The following TTC34 variants were observed in gnomAD, a reference collection of about 807,000 sequenced individuals.
TTC34 encodes tetratricopeptide repeat protein 34.
TTC34 carries 44 observed loss-of-function variants against 40.7 expected under a neutral mutation model. The ratio of observed to expected loss-of-function variants is 1.08; its 90% CI spans 0.85 to 1.39. The LOEUF is 1.39. Ranked by LOEUF, TTC34 falls within the 40% of genes most tolerant of loss-of-function variation. The probability of loss-of-function intolerance (pLI) is 0.00; values close to 1 mark genes in which losing one functional copy is unlikely to be tolerated. For synonymous variants in TTC34, 422 were observed against 398.6 expected, an observed-to-expected ratio of 1.06 and a Z score of -0.70; for missense variants, 884 against 838.0, an observed-to-expected ratio of 1.05 and a Z score of -0.68.
intron 6 of TTC34, among the ~76,000 whole-genome samples, chr1:2,687,867 G>T (rs1426219831): frequency 6.7e-6 from 1 of 150,218 alleles, no homozygotes; most frequent in African/African-American, 2.5e-5. Context: ...GCATCTGACA[G>T]CCTGGAACAG....
At chr1:2,651,254 C>A (rs1016778087) in intron 6 of TTC34, among the ~76,000 whole-genome samples, 1 of 151,934 alleles carries the variant, frequency 6.6e-6, no homozygotes, top group Admixed American at 6.5e-5. Flanking sequence ...TGTGTGACAG[C>A]CTGAAACAGC....
In TTC34 at chr1:2,755,885, C is replaced by T. The variant is rs1472023933; in HGVS notation, c.2226+27724G>A. On this transcript the variant is annotated intron_variant, in intron 6 of 8. Transcript: ENST00000401095. The stretch of plus-strand genomic sequence containing the variant: ...ACACACTCACGCGAGCACCTGACAT[C>T]CTTGAGCAGCACCCACACCCCCAGG... 4.0e-4 allele frequency among the ~76,000 whole-genome samples: 32 copies of T among 79,294 alleles called. 12 individuals are homozygous for T. The East Asian group carries it at 0.013, about 32-fold the overall frequency. 52.0% of individuals were successfully genotyped at this position (79,294 alleles called of 152,430 possible).
At chr1:2,771,564 C>A (rs1359017674) in intron 6 of TTC34, among the ~76,000 whole-genome samples, 2 of 66,818 alleles carry the variant, frequency 3.0e-5, no homozygotes, top group Non-Finnish European at 5.2e-5. Context: ...GCACACACAA[C>A]CCCAGGCGAG....
chr1:2,783,803 T>G (rs892933934), intron 5 of TTC34, 28 bp from the exon 6 acceptor site: 6 of 1,456,462 alleles, frequency 4.1e-6, no homozygotes, highest in South Asian at 1.5e-5. Context: ...GGGGTCAGGA[T>G]GAGCCTATGC....
At chr1:2,685,842 C>T (rs1570812237) in intron 6 of TTC34, among the ~76,000 whole-genome samples, 1 of 150,416 alleles carries the variant, frequency 6.6e-6, no homozygotes, top group South Asian at 2.1e-4. Context: ...CCCCCATGCC[C>T]AGGTGAGCCT....
chr1:2,758,152 AT>A (rs1463211616), intron 6 of TTC34, among the ~76,000 whole-genome samples: 1 of 70,692 alleles, frequency 1.4e-5, no homozygotes, highest in Non-Finnish European at 2.6e-5. Context: ...CAGCACCCAC[AT>A]CCCCAGGTGA....
chr1:2,783,587 C>T (rs1643522576), intron 6 of TTC34, 22 bp downstream of exon 6: 1 of 1,367,716 alleles, frequency 7.3e-7, no homozygotes, highest in Non-Finnish European at 9.6e-7. Context: ...TGCCCAGGCC[C>T]AGGTCAGGAG....
At chr1:2,683,226 C>T (rs1570803608) in intron 6 of TTC34, among the ~76,000 whole-genome samples, 1 of 149,934 alleles carries the variant, frequency 6.7e-6, no homozygotes, top group African/African-American at 2.5e-5. Flanking sequence ...GGTCGGCACC[C>T]ACACCCCCAA....
intron 3 of TTC34, among the ~76,000 whole-genome samples, chr1:2,788,747 C>T (rs1643624144): frequency 6.6e-6 from 1 of 152,118 alleles, no homozygotes; most frequent in Admixed American, 6.5e-5. Context: ...TGCCTGTCTC[C>T]GTCTCATGGA....
At chr1:2,785,575 G>C (rs1643572292) in intron 5 of TTC34, among the ~76,000 whole-genome samples, 1 of 152,174 alleles carries the variant, frequency 6.6e-6, no homozygotes. Context: ...GCACCAGGCA[G>C]GGCACAGCTC....
Position 2,693,296 on chromosome 1 carries a change from G to C in TTC34, c.2227-47733C>G, listed in dbSNP as rs933100901. 9.9e-3 allele frequency among the ~76,000 whole-genome samples: 1,157 copies of C among 117,372 alleles called. 1 individual carries two copies. The highest frequency in any genetic ancestry group is 0.014 in the Non-Finnish European group (756 of 52,270). The allele number at this position is 117,372 out of a possible 152,430, so 77.0% of individuals were successfully genotyped here. On this transcript the variant is annotated intron_variant, in intron 6 of 8. Coordinates refer to ENST00000401095, the Ensembl canonical transcript of TTC34. ...GGTGAGCATCTGACAGACTGGAACT[G>C]CACCCCCATGCCCAGGTGAGCCTCT...
chr1:2,769,705 C>G (rs1420347607), intron 6 of TTC34, among the ~76,000 whole-genome samples: 1 of 148,068 alleles, frequency 6.8e-6, no homozygotes, highest in Admixed American at 6.6e-5. Context: ...TGGAGCAGCA[C>G]CCACACCCCC....
At chr1:2,695,433 CACCT>C (rs1640818191) in intron 6 of TTC34, among the ~76,000 whole-genome samples, 19 of 66,576 alleles carry the variant, frequency 2.9e-4, no homozygotes, top group Non-Finnish European at 4.5e-4. Flanking sequence ...ATGGCATCCT[CACCT>C]CCAGGTGAGC....
chr1:2,772,887 G>C (rs1642474250), intron 6 of TTC34, among the ~76,000 whole-genome samples: 1 of 85,412 alleles, frequency 1.2e-5, no homozygotes, highest in Non-Finnish European at 2.6e-5. Context: ...GCCTGGAGCA[G>C]AACCCCACAC....
chr1:2,687,918 C>G (rs550033006), intron 6 of TTC34, among the ~76,000 whole-genome samples: 54 of 148,096 alleles, frequency 3.6e-4, no homozygotes, highest in Non-Finnish European at 7.3e-4. Flanking sequence ...ACTGGAACAG[C>G]ACCCACACGC....
chr1:2,762,156 G>A (rs1641699102), intron 6 of TTC34, among the ~76,000 whole-genome samples: 1 of 57,152 alleles, frequency 1.7e-5, no homozygotes, highest in Non-Finnish European at 2.9e-5. Flanking sequence ...TGACAGCCTG[G>A]AGCAGCGCCC....
At chr1:2,752,170 CAA>C (rs1641340946) in intron 6 of TTC34, among the ~76,000 whole-genome samples, 4 of 97,080 alleles carry the variant, frequency 4.1e-5, no homozygotes, top group Admixed American at 1.1e-4. Context: ...GCACCCACAC[CAA>C]CAGGTGAGCA....
chr1:2,782,312 T>C (rs888337733), intron 6 of TTC34, among the ~76,000 whole-genome samples: 6 of 152,208 alleles, frequency 3.9e-5, no homozygotes, highest in African/African-American at 1.2e-4. Context: ...TACTATCTTA[T>C]AATTATTTTT....
At chr1:2,768,034 G>A (rs1641837660) in intron 6 of TTC34, among the ~76,000 whole-genome samples, 1 of 151,364 alleles carries the variant, frequency 6.6e-6, no homozygotes, top group Non-Finnish European at 1.5e-5. Flanking sequence ...GCATAAAACA[G>A]CACCCCACAA....
Sources: allele counts gnomAD v4.1 joint callset (sites outside exome capture counted in the v4.1 genomes callset), GRCh38; gene constraint gnomAD v4.1.1; transcripts MANE v1.5; gene names NCBI Gene and HGNC (gene_info 2026-07-23, HGNC 2026-07-21).